GAS2: variants seen among roughly 807,000 people sequenced by gnomAD.
GAS2 encodes the protein growth arrest specific 2.
GAS2 carries 20 observed loss-of-function variants against 37.5 expected under a neutral mutation model. The observed-to-expected ratio is 0.53, with a 90% CI of 0.37 to 0.77. GAS2 has a LOEUF of 0.77. Ranked by LOEUF, GAS2 falls within the 30% of genes least tolerant of loss-of-function variation. The pLI is 0.00. For missense variants in GAS2, 336 were observed against 373.4 expected (o/e 0.90, Z 0.82); for synonymous variants, 144 against 132.2 (o/e 1.09, Z -0.61).
upstream of GAS2, among the ~76,000 whole-genome samples, chr11:22,664,855 T>C (rs1003487269): frequency 4.6e-5 from 7 of 152,190 alleles, no homozygotes; most frequent in Admixed American, 4.6e-4. Context: ...AGAAATCTTT[T>C]GTATTACTTC....
chr11:22,639,417 G>A (rs970982279), intron 1 of GAS2, among the ~76,000 whole-genome samples: 4 of 152,162 alleles, frequency 2.6e-5, no homozygotes, highest in Admixed American at 2.0e-4. Flanking sequence ...CAGCCTCCAT[G>A]AGCCAAATAA....
rs11026766 is a variant in GAS2, at chr11:22,750,666, A to T, written c.615+1405A>T. ...TAAGGAAATTGAGTAACATTATATT[A>T]TTAGTAGATAATGATCTATTGTTTA... On this transcript the variant is annotated intron_variant, in intron 6 of 7. Transcript: ENST00000454584. Among the ~76,000 whole-genome samples the T allele has an allele frequency of 2.2e-3, 333 of 152,162 alleles. 8 individuals are homozygous for T. In the East Asian group the frequency reaches 0.052, roughly 24 times the overall value.
chr11:22,739,572 C>CAAAAAAA lies in GAS2; in HGVS notation c.473+1823_473+1829dup, dbSNP rs71037525. Among the ~76,000 whole-genome samples, 517 of 64,632 alleles carry CAAAAAAA rather than the reference C, an allele frequency of 8.0e-3. 1 individual carries two copies. Among genetic ancestry groups the CAAAAAAA allele is most frequent in the Non-Finnish European group, 0.012 (413 of 33,676 alleles). The allele number at this position is 64,632 out of a possible 152,430, so 42.4% of individuals were successfully genotyped here. ...TGGGCGACAGAGCAAGATTCGCTCT[C>CAAAAAAA]AAAAAAAAAAAAAAAAAAAAAAAAA... On this transcript the variant is annotated intron_variant, in intron 5 of 7. Coordinates refer to ENST00000454584, the MANE Select transcript of GAS2 (RefSeq NM_001143830.3).
At chr11:22,717,986 T>C (rs1419138743) in intron 3 of GAS2, among the ~76,000 whole-genome samples, 1 of 152,078 alleles carries the variant, frequency 6.6e-6, no homozygotes, top group Admixed American at 6.6e-5. Context: ...GGCATGGCTA[T>C]GGTAAAAAAA....
intron 7 of GAS2, among the ~76,000 whole-genome samples, chr11:22,774,084 C>A (rs1301854642): frequency 2.0e-5 from 3 of 152,166 alleles, no homozygotes; most frequent in Non-Finnish European, 4.4e-5. Context: ...ACCTCCGCCT[C>A]CCGGGTTCAA....
chr11:22,685,855 G>A, intron 3 of GAS2, 66 bp downstream of exon 3: 4 of 1,495,934 alleles, frequency 2.7e-6, no homozygotes, highest in Non-Finnish European at 3.6e-6. Flanking sequence ...CTTATAAATT[G>A]TGTGTAATTA....
At chr11:22,804,696 G>T (rs1856809660) in intron 7 of GAS2, among the ~76,000 whole-genome samples, 1 of 152,112 alleles carries the variant, frequency 6.6e-6, no homozygotes, top group Non-Finnish European at 1.5e-5. Context: ...GAAAGGTGGA[G>T]TAAATGATAA....
chr11:22,630,527 G>A (rs1383043390), intron 1 of GAS2, among the ~76,000 whole-genome samples: 1 of 152,128 alleles, frequency 6.6e-6, no homozygotes, highest in African/African-American at 2.4e-5. Flanking sequence ...CTGTAGAAGG[G>A]GAGAAAATTT....
At chr11:22,632,678 A>G (rs1858759630) in intron 1 of GAS2, among the ~76,000 whole-genome samples, 1 of 152,080 alleles carries the variant, frequency 6.6e-6, no homozygotes, top group South Asian at 2.1e-4. Context: ...CTTCCCACTC[A>G]GGAGCATCAA....
At chr11:22,645,685 TAAAG>T (rs1274094340) in intron 1 of GAS2, among the ~76,000 whole-genome samples, 1 of 152,038 alleles carries the variant, frequency 6.6e-6, no homozygotes, top group Middle Eastern at 3.4e-3. Context: ...TCCAAATAAA[TAAAG>T]AATGTCAAAT....
intron 7 of GAS2, among the ~76,000 whole-genome samples, chr11:22,795,080 G>A (rs925921672): frequency 6.6e-6 from 1 of 152,072 alleles, no homozygotes; most frequent in African/African-American, 2.4e-5. Context: ...CTCTCTAAAG[G>A]ACTTCATATT....
At chr11:22,779,152 C>G (rs1345733557) in intron 7 of GAS2, among the ~76,000 whole-genome samples, 1 of 151,054 alleles carries the variant, frequency 6.6e-6, no homozygotes, top group South Asian at 2.1e-4. Flanking sequence ...GAAATTCTAT[C>G]TCTCCACCCA....
chr11:22,736,295 A>G (rs1456867495), intron 4 of GAS2, among the ~76,000 whole-genome samples: 1 of 151,998 alleles, frequency 6.6e-6, no homozygotes, highest in African/African-American at 2.4e-5. Flanking sequence ...AAAATTCCCT[A>G]ACTAGGACTT....
chr11:22,639,086 A>T (rs1368768016), intron 1 of GAS2, among the ~76,000 whole-genome samples: 5 of 152,148 alleles, frequency 3.3e-5, no homozygotes, highest in African/African-American at 9.7e-5. Flanking sequence ...CTTTGCAAAC[A>T]TGTTTGCCAT....
intron 5 of GAS2, among the ~76,000 whole-genome samples, chr11:22,738,994 G>A (rs1852904737): frequency 1.3e-5 from 2 of 152,186 alleles, no homozygotes; most frequent in African/African-American, 2.4e-5. Flanking sequence ...ACTCTTCCCA[G>A]TTAATTGTGG....
At chr11:22,772,718 T>C (rs944100056) in intron 7 of GAS2, among the ~76,000 whole-genome samples, 2 of 152,196 alleles carry the variant, frequency 1.3e-5, no homozygotes, top group African/African-American at 2.4e-5. Context: ...CCTTCCGTCT[T>C]TTCCCAGAGA....
chr11:22,767,329 A>T (rs974667898), intron 7 of GAS2, among the ~76,000 whole-genome samples: 4 of 152,102 alleles, frequency 2.6e-5, no homozygotes, highest in African/African-American at 9.6e-5. Context: ...TAAACTTCAC[A>T]CAGCAAAATT....
intron 1 of GAS2, among the ~76,000 whole-genome samples, chr11:22,648,121 C>T (rs926104513): frequency 8.5e-5 from 13 of 152,266 alleles, no homozygotes; most frequent in African/African-American, 2.9e-4. Context: ...GGAAGGAATC[C>T]AGTTTCAGCT....
At chr11:22,720,307 A>T (rs1394343051) in intron 3 of GAS2, among the ~76,000 whole-genome samples, 2 of 152,000 alleles carry the variant, frequency 1.3e-5, no homozygotes, top group African/African-American at 4.8e-5. Flanking sequence ...ATTCAAGCTT[A>T]GTGTGTTCAA....
Sources: gnomAD v4.1 joint callset for allele counts (sites outside exome capture counted in the v4.1 genomes callset) on GRCh38, gnomAD v4.1.1 for gene constraint, MANE v1.5 for transcripts, NCBI Gene and HGNC (gene_info 2026-07-23, HGNC 2026-07-21) for gene names.